Variants in PUDP observed in about 807,000 individuals in gnomAD.
PUDP encodes pseudouridine 5'-phosphatase, also known as pseudouridine-5'-phosphatase.
Under a neutral mutation model 9.4 loss-of-function variants are expected in PUDP, and 8 were observed. That is an observed-to-expected ratio of 0.85 (90% CI 0.50 to 1.53). The LOEUF (loss-of-function observed/expected upper bound fraction) is 1.53, where lower values mean the gene tolerates loss of function less well. Among genes scored for constraint, PUDP ranks in the 40% most tolerant of loss-of-function variants. The pLI, the probability that PUDP is intolerant of heterozygous loss-of-function variation, is 0.00. For synonymous variants in PUDP, 99 were observed against 80.7 expected (o/e 1.23, Z -1.22); for missense variants, 188 against 189.7 (o/e 0.99, Z 0.05).
intron 3 of PUDP, among the ~76,000 whole-genome samples, chrX:6,909,887 G>A (rs1221802609): frequency 8.9e-6 from 1 of 112,305 alleles, no homozygotes; most frequent in Non-Finnish European, 1.9e-5. Context: ...AGACTCTGTG[G>A]GGGAGATTTC....
chrX:7,144,255 C>T (rs140060145), intron 1 of PUDP, among the ~76,000 whole-genome samples: 1 of 112,192 alleles, frequency 8.9e-6, no homozygotes, highest in African/African-American at 3.2e-5. Context: ...TTGTCAGCTG[C>T]ACTTTTAAAC....
At chrX:7,029,681 A>G (rs1929766693) in intron 1 of PUDP, among the ~76,000 whole-genome samples, 2 of 111,928 alleles carry the variant, frequency 1.8e-5, no homozygotes, top group African/African-American at 6.5e-5. Context: ...AATTCTATGA[A>G]GCATTTCACA....
chrX:6,954,983 C>T (rs868592063), intron 3 of PUDP, among the ~76,000 whole-genome samples: 1 of 98,642 alleles, frequency 1.0e-5, no homozygotes, highest in Admixed American at 1.1e-4. Flanking sequence ...ACCCTGCCCC[C>T]CTACATTCCA....
intron 3 of PUDP, among the ~76,000 whole-genome samples, chrX:6,932,271 G>C (rs906374163): frequency 1.8e-5 from 2 of 111,676 alleles, no homozygotes; most frequent in African/African-American, 6.5e-5. Flanking sequence ...TTACAATCAA[G>C]CGTCTGTCGG....
At chrX:6,748,837 T>C (rs1164524272) in intron 3 of PUDP, among the ~76,000 whole-genome samples, 2 of 111,928 alleles carry the variant, frequency 1.8e-5, no homozygotes, top group Non-Finnish European at 3.8e-5. Flanking sequence ...TGCCCAGCAA[T>C]GGATGTGCTA....
At chrX:7,119,604 C>T (rs752574447) in intron 1 of PUDP, among the ~76,000 whole-genome samples, 7 of 112,222 alleles carry the variant, frequency 6.2e-5, no homozygotes, top group Non-Finnish European at 1.1e-4. Context: ...AATATGATTG[C>T]TTAAAATAGA....
intron 1 of PUDP, among the ~76,000 whole-genome samples, chrX:7,120,311 T>TA (rs1342659834): frequency 2.9e-4 from 32 of 110,817 alleles, no homozygotes; most frequent in Non-Finnish European, 4.9e-4. Flanking sequence ...ACAAGGTCCT[T>TA]ATAAGAGGCG....
At chrX:7,010,314 C>A (rs1394793392) in intron 1 of PUDP, among the ~76,000 whole-genome samples, 4 of 111,315 alleles carry the variant, frequency 3.6e-5, no homozygotes, top group African/African-American at 1.3e-4. Context: ...CCATTCTTCA[C>A]AGGGCTTGAT....
intron 1 of PUDP, among the ~76,000 whole-genome samples, chrX:6,982,258 A>G (rs1265492021): frequency 8.9e-6 from 1 of 112,182 alleles, no homozygotes; most frequent in Non-Finnish European, 1.9e-5. Context: ...AATATAAAAT[A>G]AACTCACCCA....
intron 3 of PUDP, among the ~76,000 whole-genome samples, chrX:6,772,191 T>C (rs6639663): frequency 0.51 from 56,553 of 111,129 alleles, 10,726 homozygotes; most frequent in Middle Eastern, 0.62. Flanking sequence ...AATTTGCTTG[T>C]GAATCACTTG....
intron 3 of PUDP, among the ~76,000 whole-genome samples, chrX:7,064,799 C>T (rs188983050): frequency 8.9e-6 from 1 of 112,003 alleles, no homozygotes; most frequent in East Asian, 2.8e-4. Flanking sequence ...TTCTTTTCTA[C>T]AGAAAACGTA....
intron 3 of PUDP, among the ~76,000 whole-genome samples, chrX:6,849,120 C>T (rs752127296): frequency 9.0e-6 from 1 of 111,476 alleles, no homozygotes; most frequent in East Asian, 2.8e-4. Flanking sequence ...GGGTGGTAGA[C>T]CCGCACGTCA....
At chrX:7,066,103 G>A (rs1324023859) in intron 3 of PUDP, among the ~76,000 whole-genome samples, 1 of 112,126 alleles carries the variant, frequency 8.9e-6, no homozygotes, top group African/African-American at 3.2e-5. Flanking sequence ...TGGGGGAATA[G>A]TGACTAGATT....
chrX:6,849,363 C>G (rs1053192077), intron 3 of PUDP, among the ~76,000 whole-genome samples: 1 of 111,767 alleles, frequency 8.9e-6, no homozygotes, highest in Non-Finnish European at 1.9e-5. Context: ...TTTTTTCAAT[C>G]CAGCTTGGTG....
At chrX:7,111,924 C>T (rs142487409) in intron 1 of PUDP, among the ~76,000 whole-genome samples, 124 of 109,949 alleles carry the variant, frequency 1.1e-3, no homozygotes, top group Non-Finnish European at 2.0e-3. Context: ...TTAACAGCAA[C>T]GCTCCAGTAA....
chrX:6,751,096 T>C (rs1248810754), intron 3 of PUDP, among the ~76,000 whole-genome samples: 1 of 107,801 alleles, frequency 9.3e-6, no homozygotes, highest in Non-Finnish European at 1.9e-5. Context: ...GAGCCAAGAT[T>C]GTGCCACTGC....
intron 2 of PUDP, among the ~76,000 whole-genome samples, chrX:7,084,322 A>G (rs889908950): frequency 5.3e-5 from 6 of 112,321 alleles, no homozygotes; most frequent in African/African-American, 1.6e-4. Flanking sequence ...CAGTGAATAA[A>G]CTGCTTATTT....
chrX:6,754,682 C>T (rs1018899013), intron 3 of PUDP, among the ~76,000 whole-genome samples: 4 of 109,279 alleles, frequency 3.7e-5, no homozygotes, highest in African/African-American at 6.6e-5. Flanking sequence ...TAATTTAGCA[C>T]ATTATATATT....
At chrX:7,111,098 GT>G (rs1432174333) in intron 1 of PUDP, among the ~76,000 whole-genome samples, 1 of 110,971 alleles carries the variant, frequency 9.0e-6, no homozygotes, top group Non-Finnish European at 1.9e-5. Context: ...AGATCTGAAG[GT>G]TTTATAAGTG....
Sources: gnomAD v4.1 joint callset for allele counts (sites outside exome capture counted in the v4.1 genomes callset) on GRCh38, gnomAD v4.1.1 for gene constraint, MANE v1.5 for transcripts, NCBI Gene and HGNC (gene_info 2026-07-23, HGNC 2026-07-21) for gene names.